CARD10: variants seen among roughly 807,000 people sequenced by gnomAD.
CARD10 encodes caspase recruitment domain family member 10, also known as caspase recruitment domain-containing protein 10.
A neutral mutation model predicts 114.6 loss-of-function variants in CARD10; 49 were observed. The ratio of observed to expected loss-of-function variants is 0.43; its 90% confidence interval spans 0.34 to 0.54. The LOEUF (loss-of-function observed/expected upper bound fraction) is 0.54, where lower values mean the gene tolerates loss of function less well. CARD10 is among the 20% of genes least tolerant of loss of function. CARD10 has a pLI of 0.03. For synonymous variants in CARD10, 602 were observed against 593.2 expected, an observed-to-expected ratio of 1.01 and a Z score of -0.21; for missense variants, 1,206 against 1,397.2, an observed-to-expected ratio of 0.86 and a Z score of 2.18.
At chr22:37,509,003 C>T (rs1923516585) in intron 4 of CARD10, 1 of 1,549,792 alleles carries the variant, frequency 6.5e-7, no homozygotes, top group African/African-American at 1.4e-5. Context: ...CTGGCCCTCA[C>T]CCACCATCCA....
chr22:37,514,832 A>G (rs1923781512), intron 3 of CARD10: 1 of 152,338 alleles, frequency 6.6e-6, no homozygotes, highest in Non-Finnish European at 1.5e-5. Flanking sequence ...TCAGCTCATT[A>G]AATCCTTGGA....
intron 3 of CARD10, chr22:37,514,692 G>A (rs770916954): frequency 6.6e-6 from 1 of 152,264 alleles, no homozygotes; most frequent in Non-Finnish European, 1.5e-5. Context: ...CTGTAGCCAC[G>A]GCCCAAGGCT....
intron 15 of CARD10, chr22:37,494,604 T>A (rs1466067590): frequency 4.7e-6 from 1 of 211,312 alleles, no homozygotes; most frequent in Non-Finnish European, 9.6e-6. Flanking sequence ...AAGATGGCAC[T>A]GATTTTACCA....
chr22:37,493,947 A>G (rs919057046), intron 16 of CARD10, 139 bp downstream of exon 16: 9 of 708,918 alleles, frequency 1.3e-5, no homozygotes, highest in East Asian at 5.4e-5. Context: ...GGCCCCCAGC[A>G]TGACCCCCAC....
At chr22:37,510,463 G>C (rs1569166815) in intron 3 of CARD10, 42 bp from the exon 4 acceptor site, 3 of 1,578,420 alleles carry the variant, frequency 1.9e-6, no homozygotes, top group Non-Finnish European at 2.6e-6. Context: ...GAGACACACT[G>C]GGAGCCACGG....
chr22:37,497,282 G>T, intron 11 of CARD10, 104 bp from the exon 12 acceptor site: 3 of 1,207,430 alleles, frequency 2.5e-6, no homozygotes, highest in South Asian at 1.5e-5. Context: ...AGTATGCCAT[G>T]ACTCCCACCC....
At chr22:37,503,081 G>C (rs927317401) in intron 10 of CARD10, 104 bp downstream of exon 10, 2 of 1,264,304 alleles carry the variant, frequency 1.6e-6, no homozygotes, top group East Asian at 4.8e-5. Flanking sequence ...TCAGGGAAGG[G>C]GATGCAGGCC....
intron 11 of CARD10, among the ~76,000 whole-genome samples, chr22:37,502,123 G>C (rs2145761139): frequency 6.6e-6 from 1 of 152,342 alleles, no homozygotes; most frequent in Admixed American, 6.5e-5. Context: ...TCCTGTTATG[G>C]ACCTGTGGCT....
rs772945473 is a variant in CARD10 at position 37,518,105 on chromosome 22, C to A, written c.239G>T (p.Arg80Leu). Residue 80 changes from arginine (R) to leucine (L), a missense_variant, in exon 2 of 20, where the codon CGC (arginine) becomes CTC (leucine). By Grantham distance (102) the Arg-to-Leu change is moderately radical. This residue lies in a region of CARD10 where 138 missense variants were observed against 218.0 expected (regional missense o/e 0.63). Coordinates refer to ENST00000251973, the MANE Select transcript of CARD10 (RefSeq NM_014550.4). Reference protein sequence around the residue: ...RFPCRVNRTGRLMDILRCRGK... With the variant: ...RFPCRVNRTGLLMDILRCRGK... ...ACGGCAGCGCAAGATGTCCATCAGG[C>A]GCCCTACAGAGTAGTGGGGGGATGT... The A allele has an allele frequency of 6.2e-7, 1 of 1,613,512 alleles. No homozygotes were observed. The highest frequency in any genetic ancestry group is 8.5e-7 in the Non-Finnish European group (1 of 1,179,822).
intron 4 of CARD10, chr22:37,508,981 C>T (rs779177837): frequency 1.2e-5 from 19 of 1,547,760 alleles, no homozygotes; most frequent in Non-Finnish European, 2.6e-6. Context: ...GCACCAGGCA[C>T]ACACTCGTGC....
intron 5 of CARD10, 115 bp downstream of exon 5, chr22:37,508,412 G>T: frequency 2.6e-6 from 3 of 1,144,838 alleles, no homozygotes; most frequent in Admixed American, 2.9e-5. Flanking sequence ...GAGAACAAAT[G>T]AATGCAGTTC....
Position 37,510,334 on chromosome 22 carries a change from C to G in CARD10, c.787G>C (p.Glu263Gln). 6.2e-7 allele frequency: 1 copy of G among 1,612,238 alleles called. No individual in the cohort carries two copies. ...RARGPPPGAE[E>Q]KEKEKEKEKE... ...TCCTTCTCCTTCTCCTTCTCCTTCTCCTCTGCCCCAGGGGGCGGGCCCCTG... is the reference window on the plus strand; with the variant it reads ...TCCTTCTCCTTCTCCTTCTCCTTCTGCTCTGCCCCAGGGGGCGGGCCCCTG... The change falls in exon 4 of 20, where the codon GAG (glutamate) becomes CAG (glutamine). Residue 263 changes from glutamate to glutamine, a missense_variant. Around this residue, in one of 2 missense-constraint regions of CARD10, gnomAD observed 1,068 missense variants for 1,179.1 expected, o/e 0.91. Transcript: ENST00000251973.
intron 5 of CARD10, 65 bp downstream of exon 5, chr22:37,508,462 C>A (rs1055032800): frequency 3.4e-6 from 5 of 1,463,274 alleles, no homozygotes; most frequent in Non-Finnish European, 4.5e-6. Context: ...TCAGGGAAGG[C>A]GTGAGCACAC....
intron 16 of CARD10, among the ~76,000 whole-genome samples, chr22:37,493,624 CTCTT>C (rs1922886191): frequency 6.6e-6 from 1 of 151,502 alleles, no homozygotes; most frequent in African/African-American, 2.5e-5. Context: ...GAAACTCCCT[CTCTT>C]CCAGGAAGTC....
rs1278770694 is a variant in CARD10 at position 37,504,704 on chromosome 22, G to A, written c.1449C>T (p.Pro483=). The change falls in exon 8 of 20, where the codon CCC becomes CCT. Residue 483 remains proline (P), a synonymous_variant. Coordinates refer to ENST00000251973, the MANE Select transcript of CARD10 (RefSeq NM_014550.4). ...TTGCTTCTGGGCCTCCCAGAGGGGA[G>A]GGGAACTCGCTCAGGCTCCAAGTGC... ...LSSTWSLSEF[P]SPLGGPEATG... 9 of 1,584,240 alleles carry A rather than the reference G, an allele frequency of 5.7e-6. No homozygotes were observed. In the East Asian group the frequency reaches 7.0e-5, roughly 12 times the overall value.
intron 7 of CARD10, 98 bp downstream of exon 7, chr22:37,506,094 G>T: frequency 7.3e-6 from 7 of 958,792 alleles, no homozygotes; most frequent in Non-Finnish European, 1.0e-5. Context: ...CCTGGCTGAG[G>T]TCTCCCACCA....
chr22:37,496,630 G>A lies in CARD10; in HGVS notation c.1948-70C>T. On this transcript the variant is annotated intron_variant, in intron 12 of 19. Transcript: ENST00000251973. The surrounding 1 kb of genome is among the most constrained non-coding windows in gnomAD (Gnocchi z 4.1). Reference sequence around the variant, plus strand: ...GAGTAGAGCAGCCCAGGGGCTGGAGGAAGACCAGGTGTGGGGGTGTTTCAT... The same window carrying A: ...GAGTAGAGCAGCCCAGGGGCTGGAGAAAGACCAGGTGTGGGGGTGTTTCAT... 1 of 1,115,032 alleles carries A rather than the reference G, an allele frequency of 9.0e-7. No individual in the cohort carries two copies. The highest frequency in any genetic ancestry group is 2.4e-5 in the East Asian group (1 of 41,368). 69.1% of individuals were successfully genotyped at this position (1,115,032 alleles called of 1,614,324 possible).
intron 15 of CARD10, among the ~76,000 whole-genome samples, chr22:37,495,048 C>T (rs550362570): frequency 6.6e-6 from 1 of 152,094 alleles, no homozygotes; most frequent in Non-Finnish European, 1.5e-5. Flanking sequence ...CTGCAAGCTC[C>T]GCCTCCCGGG....
chr22:37,512,465 CCACACACACACACACA>C lies in CARD10; in HGVS notation c.700-2060_700-2045del, dbSNP rs36080549. 3.0e-3 allele frequency among the ~76,000 whole-genome samples: 339 copies of C among 113,850 alleles called. 2 individuals carry two copies. Among genetic ancestry groups the C allele is most frequent in the Middle Eastern group, 8.6e-3 (2 of 232 alleles). 74.7% of individuals were successfully genotyped at this position (113,850 alleles called of 152,430 possible). A position where few individuals can be genotyped will look rare whatever the true frequency, so the allele number is the denominator to read the frequency against. ...AGAGGTTAGAATGGCAGCCCCCCCT[CCACACACACACACACA>C]CACACACACACACACACACACACAC... On this transcript the variant is annotated intron_variant, in intron 3 of 19. Transcript: ENST00000251973.
Sources: gnomAD v4.1 joint callset for allele counts (sites outside exome capture counted in the v4.1 genomes callset) on GRCh38, gnomAD v4.1.1 for gene constraint, gnomAD v4.1.1 regional missense constraint, Gnocchi (gnomAD v3.1) non-coding constraint, MANE v1.5 for transcripts, NCBI Gene and HGNC (gene_info 2026-07-23, HGNC 2026-07-21) for gene names.